ZNF540: variants seen among roughly 807,000 people sequenced by gnomAD.
ZNF540 encodes CTD-3064H18.6.
In ZNF540, 3 loss-of-function variants were observed where a neutral mutation model predicts 11.8. The ratio of observed to expected loss-of-function variants is 0.25; its 90% CI spans 0.12 to 0.65. The LOEUF (loss-of-function observed/expected upper bound fraction) is 0.65. Ranked by LOEUF, ZNF540 falls within the 30% of genes least tolerant of loss-of-function variation. The pLI, the probability that ZNF540 is intolerant of heterozygous loss-of-function variation, is 0.83. For synonymous variants in ZNF540, 247 were observed against 259.0 expected, an observed-to-expected ratio of 0.95 and a Z score of 0.45; for missense variants, 709 against 793.1, an observed-to-expected ratio of 0.89 and a Z score of 1.27.
At chr19:37,570,762 C>T (rs1033511693) in intron 1 of ZNF540, among the ~76,000 whole-genome samples, 2 of 152,138 alleles carry the variant, frequency 1.3e-5, no homozygotes, top group Non-Finnish European at 1.5e-5. Flanking sequence ...AATTCAAATA[C>T]TACCAAACTT....
chr19:37,563,938 CT>C (rs1568337592), intron 1 of ZNF540: 1 of 152,076 alleles, frequency 6.6e-6, no homozygotes, highest in Non-Finnish European at 1.5e-5. Context: ...GGGCCAAAAA[CT>C]TTTGCTTTTG....
chr19:37,565,355 G>A (rs1308495442), intron 1 of ZNF540: 1 of 1,613,732 alleles, frequency 6.2e-7, no homozygotes, highest in Non-Finnish European at 8.5e-7. Flanking sequence ...TTTCTCTCCT[G>A]TATGAATTCT....
At chr19:37,571,444 C>T (rs573475550) in intron 1 of ZNF540, among the ~76,000 whole-genome samples, 23 of 151,616 alleles carry the variant, frequency 1.5e-4, no homozygotes, top group African/African-American at 3.1e-4. Context: ...TGCAGTGAGC[C>T]GAGATCACAC....
intron 1 of ZNF540, chr19:37,585,326 C>T (rs539367192): frequency 6.6e-6 from 1 of 152,182 alleles, no homozygotes; most frequent in Non-Finnish European, 1.5e-5. Context: ...AATTACTTTG[C>T]TTGACTTTGT....
intron 1 of ZNF540, among the ~76,000 whole-genome samples, chr19:37,595,612 T>C (rs747193570): frequency 2.6e-5 from 4 of 152,238 alleles, no homozygotes; most frequent in Non-Finnish European, 1.5e-5. Flanking sequence ...CGCTGTATTA[T>C]AGTGATATCT....
At chr19:37,573,457 G>GT (rs2043135359) in intron 1 of ZNF540, among the ~76,000 whole-genome samples, 1 of 152,056 alleles carries the variant, frequency 6.6e-6, no homozygotes, top group African/African-American at 2.4e-5. Context: ...CTCAACACTA[G>GT]TTTTAGCCTT....
At chr19:37,584,832 T>C (rs1021049005) in intron 1 of ZNF540, among the ~76,000 whole-genome samples, 1 of 151,776 alleles carries the variant, frequency 6.6e-6, no homozygotes, top group East Asian at 1.9e-4. Context: ...GGCGTGATGG[T>C]GGGCACCTGT....
chr19:37,588,713 T>C (rs2043768807), intron 1 of ZNF540, among the ~76,000 whole-genome samples: 1 of 152,160 alleles, frequency 6.6e-6, no homozygotes, highest in South Asian at 2.1e-4. Flanking sequence ...AAATAAAAGT[T>C]GAAATTTTAT....
At chr19:37,556,742 C>T (rs1375000069) in intron 1 of ZNF540, among the ~76,000 whole-genome samples, 3 of 152,148 alleles carry the variant, frequency 2.0e-5, no homozygotes, top group South Asian at 2.1e-4. Context: ...AGATAGGCGG[C>T]GCCCTCCCAT....
intron 4 of ZNF540, among the ~76,000 whole-genome samples, chr19:37,604,344 G>T (rs1419790324): frequency 8.5e-6 from 1 of 117,846 alleles, no homozygotes; most frequent in Non-Finnish European, 1.6e-5. Context: ...GTCTCGCTCT[G>T]TCGCCCAGGC....
chr19:37,564,530 G>A (rs1479532457), intron 1 of ZNF540: 4 of 1,389,362 alleles, frequency 2.9e-6, no homozygotes, highest in Admixed American at 2.6e-5. Flanking sequence ...GAAGCAAGAT[G>A]TTCTACATTC....
chr19:37,598,791 G>C (rs1227205520), intron 2 of ZNF540, among the ~76,000 whole-genome samples: 1 of 101,462 alleles, frequency 9.9e-6, no homozygotes. Flanking sequence ...GTTTTCCACA[G>C]ATCCTGTGTC....
intron 2 of ZNF540, among the ~76,000 whole-genome samples, 187 bp from the exon 3 acceptor site, chr19:37,599,439 A>C (rs1213809947): frequency 6.6e-6 from 1 of 152,206 alleles, no homozygotes; most frequent in Non-Finnish European, 1.5e-5. Flanking sequence ...TGGATTCTTC[A>C]AGAAAATGAG....
chr19:37,594,848 G>C (rs1400907167), upstream of ZNF540: 1 of 152,172 alleles, frequency 6.6e-6, no homozygotes. Flanking sequence ...ACTGGAAACC[G>C]GCCGGATCGT....
At chr19:37,606,748 T>C (rs1338468719) in intron 4 of ZNF540, among the ~76,000 whole-genome samples, 1 of 152,184 alleles carries the variant, frequency 6.6e-6, no homozygotes, top group Admixed American at 6.5e-5. Flanking sequence ...GTGTTATTAT[T>C]GAGTTGCAAG....
upstream of ZNF540, chr19:37,594,798 T>A (rs1342715054): frequency 6.6e-6 from 1 of 152,168 alleles, no homozygotes; most frequent in Non-Finnish European, 1.5e-5. Flanking sequence ...TGTACGACGT[T>A]GCGCAGCGAC....
chr19:37,565,640 C>T (rs1456983187), intron 1 of ZNF540: 1 of 1,613,154 alleles, frequency 6.2e-7, no homozygotes, highest in Admixed American at 1.7e-5. Flanking sequence ...ATATTGTGAA[C>T]AATAACTAAA....
chr19:37,565,447 T>C, intron 1 of ZNF540: 4 of 1,613,008 alleles, frequency 2.5e-6, no homozygotes, highest in Non-Finnish European at 3.4e-6. Context: ...CAGTATGAAC[T>C]CTCTGATGGT....
chr19:37,579,033 C>T (rs1458190653), intron 1 of ZNF540, among the ~76,000 whole-genome samples: 3 of 152,128 alleles, frequency 2.0e-5, no homozygotes, highest in African/African-American at 7.2e-5. Flanking sequence ...ACAGCACAGC[C>T]GCCCTGCCCC....
Sources: allele counts gnomAD v4.1 joint callset (sites outside exome capture counted in the v4.1 genomes callset), GRCh38; gene constraint gnomAD v4.1.1; transcripts MANE v1.5; gene names NCBI Gene and HGNC (gene_info 2026-07-23, HGNC 2026-07-21).